DLGAP2: variants seen among roughly 807,000 people sequenced by gnomAD.
DLGAP2 encodes the protein disks large-associated protein 2.
DLGAP2 carries 26 observed loss-of-function variants against 100.3 expected under a neutral mutation model. The ratio of observed to expected loss-of-function variants is 0.26; its 90% CI spans 0.19 to 0.36. The LOEUF (loss-of-function observed/expected upper bound fraction) is 0.36, where lower values mean the gene tolerates loss of function less well. Among genes scored for constraint, DLGAP2 ranks in the 10% least tolerant of loss-of-function variants. The pLI is 1.00. For missense variants in DLGAP2, 1,858 were observed against 1,453.2 expected (o/e 1.28, Z -4.53); for synonymous variants, 886 against 630.1 (o/e 1.41, Z -6.08).
chr8:1,521,194 A>C (rs1420582378), intron 4 of DLGAP2, among the ~76,000 whole-genome samples: 2 of 93,012 alleles, frequency 2.2e-5, no homozygotes, highest in African/African-American at 7.7e-5. Flanking sequence ...CACTTGTTTT[A>C]ATTTGGAATA....
At chr8:1,339,085 G>C (rs1325119830) in intron 3 of DLGAP2, among the ~76,000 whole-genome samples, 1 of 68,620 alleles carries the variant, frequency 1.5e-5, no homozygotes, top group Non-Finnish European at 2.8e-5. Flanking sequence ...TGGCAGGGAA[G>C]GCAGTGACCT....
intron 2 of DLGAP2, among the ~76,000 whole-genome samples, chr8:1,026,203 G>A (rs908053750): frequency 6.6e-6 from 1 of 152,168 alleles, no homozygotes; most frequent in African/African-American, 2.4e-5. Context: ...CGTGCCTCAC[G>A]ATCGTGCTGT....
At chr8:1,223,217 G>C (rs944991742) in intron 2 of DLGAP2, among the ~76,000 whole-genome samples, 3 of 152,140 alleles carry the variant, frequency 2.0e-5, no homozygotes, top group African/African-American at 7.2e-5. Context: ...CCTGTCCAGG[G>C]TTCCCACCTT....
intron 1 of DLGAP2, among the ~76,000 whole-genome samples, chr8:778,199 G>C (rs1024103083): frequency 6.6e-6 from 1 of 152,048 alleles, no homozygotes; most frequent in Non-Finnish European, 1.5e-5. Flanking sequence ...AGCTCCATCA[G>C]CTCCTTTAAG....
chr8:1,366,821 C>G (rs1228298520), intron 3 of DLGAP2, among the ~76,000 whole-genome samples: 1 of 152,122 alleles, frequency 6.6e-6, no homozygotes, highest in African/African-American at 2.4e-5. Context: ...ATAAGGGGGT[C>G]TGTGGTGAAG....
chr8:949,192 G>A (rs1000484123), intron 2 of DLGAP2, among the ~76,000 whole-genome samples: 1 of 152,220 alleles, frequency 6.6e-6, no homozygotes, highest in African/African-American at 2.4e-5. Flanking sequence ...TGGAGTAGAT[G>A]GGATCAGGGA....
chr8:1,690,739 G>C (rs1218702034), intron 12 of DLGAP2, among the ~76,000 whole-genome samples: 1 of 137,118 alleles, frequency 7.3e-6, no homozygotes, highest in East Asian at 2.4e-4. Flanking sequence ...ATTAGTATTT[G>C]ATTAACCAAA....
intron 3 of DLGAP2, among the ~76,000 whole-genome samples, chr8:1,361,248 G>T (rs1801976154): frequency 6.6e-6 from 1 of 152,146 alleles, no homozygotes. Flanking sequence ...ACTCCCCAAG[G>T]ACAGCAGAGA....
At chr8:944,657 G>T (rs566032228) in intron 2 of DLGAP2, among the ~76,000 whole-genome samples, 3 of 152,102 alleles carry the variant, frequency 2.0e-5, no homozygotes, top group Non-Finnish European at 4.4e-5. Flanking sequence ...GGGTGATCCA[G>T]TGGGTGGTAA....
chr8:1,099,338 G>A (rs1003796454), intron 2 of DLGAP2, among the ~76,000 whole-genome samples: 19 of 152,230 alleles, frequency 1.2e-4, no homozygotes, highest in African/African-American at 3.9e-4. Context: ...GTAGAGACGT[G>A]TGTCTCCGGT....
rs569412367 is a variant in DLGAP2, at chr8:814,873, A to G, written c.18+77048A>G. Among the ~76,000 whole-genome samples, 194 of 147,796 alleles carry G rather than the reference A, an allele frequency of 1.3e-3. 8 individuals carry two copies. The South Asian group carries it at 0.042, about 32-fold the overall frequency. On this transcript the variant is annotated intron_variant, in intron 1 of 14. Transcript: ENST00000637795. The stretch of plus-strand genomic sequence containing the variant: ...CTCAAAAAAAAAAAAAAAAAAAAAA[A>G]GAAATACTATCAACATTATAGCCCT...
chr8:1,303,396 C>T (rs1356366410), intron 3 of DLGAP2, among the ~76,000 whole-genome samples: 1 of 44,268 alleles, frequency 2.3e-5, no homozygotes, highest in Non-Finnish European at 4.3e-5. Flanking sequence ...GACTCCGTCT[C>T]AAAAACAAAA....
intron 2 of DLGAP2, among the ~76,000 whole-genome samples, chr8:1,143,016 G>T (rs1472390544): frequency 6.6e-6 from 1 of 152,170 alleles, no homozygotes; most frequent in Non-Finnish European, 1.5e-5. Context: ...GGATTTATAG[G>T]AAGCTGGCAG....
chr8:1,515,029 G>A (rs1027573837), intron 4 of DLGAP2, among the ~76,000 whole-genome samples: 2 of 151,718 alleles, frequency 1.3e-5, no homozygotes, highest in Non-Finnish European at 1.5e-5. Flanking sequence ...AGACCGACGT[G>A]CAGGGAGACC....
intron 4 of DLGAP2, among the ~76,000 whole-genome samples, chr8:1,506,922 A>G (rs1218541724): frequency 6.6e-6 from 1 of 152,176 alleles, no homozygotes; most frequent in Admixed American, 6.5e-5. Context: ...TGCATTTACA[A>G]TCCTCTAGCT....
chr8:1,221,100 T>A (rs1230717894), intron 2 of DLGAP2, among the ~76,000 whole-genome samples: 1 of 152,202 alleles, frequency 6.6e-6, no homozygotes, highest in African/African-American at 2.4e-5. Context: ...CCTGTTTATA[T>A]TGAAGGTTAA....
At chr8:1,629,609 G>A (rs1797593343) in intron 7 of DLGAP2, among the ~76,000 whole-genome samples, 2 of 152,242 alleles carry the variant, frequency 1.3e-5, no homozygotes, top group African/African-American at 4.8e-5. Context: ...CATACACAGA[G>A]ATGAGGATAC....
intron 4 of DLGAP2, among the ~76,000 whole-genome samples, chr8:1,507,937 G>T (rs1333935400): frequency 6.6e-6 from 1 of 151,362 alleles, no homozygotes; most frequent in Non-Finnish European, 1.5e-5. Flanking sequence ...TTAGGAGAAG[G>T]CTCCTTCCCC....
chr8:1,166,120 G>T (rs535630001), intron 2 of DLGAP2, among the ~76,000 whole-genome samples: 3 of 152,134 alleles, frequency 2.0e-5, no homozygotes, highest in African/African-American at 4.8e-5. Flanking sequence ...TAGCTACTCC[G>T]TGCCAGGGCA....
Sources: allele counts gnomAD v4.1 joint callset (sites outside exome capture counted in the v4.1 genomes callset), GRCh38; gene constraint gnomAD v4.1.1; transcripts MANE v1.5; gene names NCBI Gene and HGNC (gene_info 2026-07-23, HGNC 2026-07-21).